SRGAP3: variants seen among roughly 807,000 people sequenced by gnomAD.
SRGAP3 encodes the protein SLIT-ROBO Rho GTPase-activating protein 3.
Under a neutral mutation model 121.1 loss-of-function variants are expected in SRGAP3, and 39 were observed. The observed-to-expected ratio is 0.32, with a 90% CI of 0.25 to 0.42. The LOEUF (loss-of-function observed/expected upper bound fraction) is 0.42. Among genes scored for constraint, SRGAP3 ranks in the 10% least tolerant of loss-of-function variants. SRGAP3 has a pLI of 1.00. For synonymous variants in SRGAP3, 601 were observed against 570.0 expected (o/e 1.05, Z -0.77); for missense variants, 1,213 against 1,470.6 (o/e 0.82, Z 2.86).
At chr3:9,323,993 G>C (rs922576193) in intron 3 of SRGAP3, among the ~76,000 whole-genome samples, 1 of 151,846 alleles carries the variant, frequency 6.6e-6, no homozygotes, top group Non-Finnish European at 1.5e-5. Context: ...CTCATGGTCA[G>C]AATAAATTTA....
chr3:9,200,071 C>A (rs532345869), intron 1 of SRGAP3, among the ~76,000 whole-genome samples: 3 of 152,154 alleles, frequency 2.0e-5, no homozygotes, highest in Non-Finnish European at 2.9e-5. Context: ...GAGAGGCTGA[C>A]AATATGGTGG....
At chr3:9,249,659 G>GGGCT (rs1329967554), upstream of SRGAP3, 3 of 233,806 alleles carry the variant, frequency 1.3e-5, no homozygotes, top group African/African-American at 6.6e-5. Context: ...TCGCCCTGCA[G>GGGCT]GGCTGGCTGA....
At chr3:9,041,116 A>G (rs2248169) in intron 10 of SRGAP3, among the ~76,000 whole-genome samples, 50,803 of 152,220 alleles carry the variant, frequency 0.33, 8,646 homozygotes, top group East Asian at 0.51. Flanking sequence ...TAAGTGCTGC[A>G]GCACAATTGT....
At chr3:9,168,190 T>C (rs1950859753) in intron 1 of SRGAP3, among the ~76,000 whole-genome samples, 1 of 152,222 alleles carries the variant, frequency 6.6e-6, no homozygotes, top group Non-Finnish European at 1.5e-5. Flanking sequence ...AATGCAGTCT[T>C]GACTTAGCCC....
chr3:9,313,611 A>G (rs1451135876), intron 3 of SRGAP3, among the ~76,000 whole-genome samples: 1 of 152,046 alleles, frequency 6.6e-6, no homozygotes, highest in African/African-American at 2.4e-5. Flanking sequence ...TGGGAGGCAG[A>G]GGTTGCAGTG....
intron 3 of SRGAP3, among the ~76,000 whole-genome samples, chr3:9,279,396 C>A (rs1954638794): frequency 6.6e-6 from 1 of 152,094 alleles, no homozygotes; most frequent in South Asian, 2.1e-4. Context: ...TGAACATGAG[C>A]CCTGTGTCTA....
chr3:9,138,483 A>G (rs1049899257), intron 1 of SRGAP3, among the ~76,000 whole-genome samples: 3 of 152,206 alleles, frequency 2.0e-5, no homozygotes, highest in Admixed American at 2.0e-4. Context: ...CATTGAGGTA[A>G]TCAAAAAGGT....
At chr3:9,284,803 A>G (rs1954738823) in intron 3 of SRGAP3, among the ~76,000 whole-genome samples, 1 of 145,544 alleles carries the variant, frequency 6.9e-6, no homozygotes, top group Non-Finnish European at 1.5e-5. Context: ...ACTGCACTCC[A>G]GCCTGGGCAA....
intron 12 of SRGAP3, chr3:9,028,028 T>C (rs375290401): frequency 6.3e-7 from 1 of 1,583,364 alleles, no homozygotes; most frequent in Non-Finnish European, 8.7e-7. Context: ...AGGTGGGCTC[T>C]GTTCTGGAAG....
intron 1 of SRGAP3, among the ~76,000 whole-genome samples, chr3:9,209,313 T>C (rs1217255132): frequency 6.6e-6 from 1 of 152,210 alleles, no homozygotes; most frequent in Non-Finnish European, 1.5e-5. Context: ...GTACATCTTA[T>C]AAGCAAAGAG....
intron 1 of SRGAP3, among the ~76,000 whole-genome samples, chr3:9,162,347 TGC>T (rs1950626746): frequency 6.6e-6 from 1 of 152,196 alleles, no homozygotes; most frequent in Non-Finnish European, 1.5e-5. Flanking sequence ...CCTCAGTATA[TGC>T]AAAGATGAAG....
At chr3:9,310,058 T>C (rs929959279) in intron 3 of SRGAP3, among the ~76,000 whole-genome samples, 5 of 152,202 alleles carry the variant, frequency 3.3e-5, no homozygotes, top group African/African-American at 9.6e-5. Flanking sequence ...CACCATAGCA[T>C]GTTTGATCCC....
At chr3:9,113,622 CA>C (rs1327417006) in intron 2 of SRGAP3, among the ~76,000 whole-genome samples, 1 of 152,102 alleles carries the variant, frequency 6.6e-6, no homozygotes, top group African/African-American at 2.4e-5. Flanking sequence ...GCTGTGTCCC[CA>C]CCCAAATCTC....
chr3:9,335,148 G>A (rs1166654326), intron 1 of SRGAP3, among the ~76,000 whole-genome samples: 2 of 152,158 alleles, frequency 1.3e-5, no homozygotes, highest in East Asian at 3.8e-4. Flanking sequence ...TTTTCTGCTG[G>A]TTTTGCCTGG....
intron 1 of SRGAP3, among the ~76,000 whole-genome samples, chr3:9,234,799 G>C (rs875993): frequency 0.6 from 91,090 of 151,994 alleles, 27,804 homozygotes; most frequent in African/African-American, 0.69. Flanking sequence ...AGAGCAACAA[G>C]GAGGAAAGGA....
At chr3:9,300,412 C>T (rs543266802) in intron 3 of SRGAP3, among the ~76,000 whole-genome samples, 15 of 151,942 alleles carry the variant, frequency 9.9e-5, no homozygotes, top group Admixed American at 3.3e-4. Flanking sequence ...CCTTCTGTGA[C>T]GCTTCCTCAC....
chr3:9,032,559 G>C (rs1022258769), intron 12 of SRGAP3, 91 bp downstream of exon 12: 3 of 1,218,194 alleles, frequency 2.5e-6, no homozygotes, highest in Non-Finnish European at 3.6e-6. Flanking sequence ...CCTGGCCAAG[G>C]ACAGGGCTGT....
At chr3:9,191,622 T>G (rs931514930) in intron 1 of SRGAP3, among the ~76,000 whole-genome samples, 5 of 152,180 alleles carry the variant, frequency 3.3e-5, no homozygotes, top group African/African-American at 9.7e-5. Flanking sequence ...AACAGTATGG[T>G]CAAAGGCAGA....
At chr3:9,149,356 T>C (rs1290198869) in intron 1 of SRGAP3, among the ~76,000 whole-genome samples, 2 of 152,200 alleles carry the variant, frequency 1.3e-5, no homozygotes, top group Non-Finnish European at 2.9e-5. Context: ...TCCTAAGCTA[T>C]GACCCAGGAC....
Sources: allele counts gnomAD v4.1 joint callset (sites outside exome capture counted in the v4.1 genomes callset), GRCh38; gene constraint gnomAD v4.1.1; transcripts MANE v1.5; gene names NCBI Gene and HGNC (gene_info 2026-07-23, HGNC 2026-07-21).